MREG: variants seen among roughly 807,000 people sequenced by gnomAD.
MREG encodes dilute suppressor protein homolog.
MREG carries 31 observed loss-of-function variants against 28.5 expected under a neutral mutation model. The observed-to-expected ratio is 1.09, with a 90% CI of 0.82 to 1.47. The LOEUF (loss-of-function observed/expected upper bound fraction) is 1.47, where lower values mean the gene tolerates loss of function less well. Among genes scored for constraint, MREG ranks in the 40% most tolerant of loss-of-function variants. The probability of loss-of-function intolerance (pLI) is 0.00; values close to 1 mark genes in which losing one functional copy is unlikely to be tolerated. For synonymous variants in MREG, 106 were observed against 95.2 expected (o/e 1.11, Z -0.66); for missense variants, 256 against 257.4 (o/e 0.99, Z 0.04).
chr2:216,023,379 G>T (rs112985866), intron 1 of MREG, among the ~76,000 whole-genome samples: 1 of 152,182 alleles, frequency 6.6e-6, no homozygotes, highest in Admixed American at 6.5e-5. Flanking sequence ...AGCTTAAAGG[G>T]ACATAGTAAT....
intron 1 of MREG, among the ~76,000 whole-genome samples, chr2:216,027,707 C>T (rs1426790102): frequency 6.6e-6 from 1 of 152,046 alleles, no homozygotes; most frequent in Non-Finnish European, 1.5e-5. Context: ...AAGAAAAAGG[C>T]ATGAGGTAGT....
intron 1 of MREG, among the ~76,000 whole-genome samples, chr2:216,008,108 A>G (rs1464303441): frequency 2.0e-5 from 3 of 152,032 alleles, no homozygotes; most frequent in African/African-American, 7.2e-5. Flanking sequence ...TGTGCTTCAT[A>G]GGGCTATGGT....
chr2:215,991,684 C>T (rs1208929299), intron 2 of MREG, among the ~76,000 whole-genome samples: 5 of 151,770 alleles, frequency 3.3e-5, no homozygotes, highest in Admixed American at 6.6e-5. Flanking sequence ...AATAACCAAA[C>T]AGATGCAATG....
intron 1 of MREG, among the ~76,000 whole-genome samples, chr2:216,007,110 G>C (rs766343844): frequency 6.6e-6 from 1 of 152,174 alleles, no homozygotes. Context: ...GAAGTTCTCT[G>C]TGTCTCAGTC....
intron 2 of MREG, among the ~76,000 whole-genome samples, chr2:215,959,994 C>T (rs1038168372): frequency 5.3e-5 from 8 of 150,328 alleles, no homozygotes; most frequent in African/African-American, 1.2e-4. Flanking sequence ...CTCGCTCTGT[C>T]GCACAGGCTG....
At chr2:216,025,451 A>C (rs1410119492) in intron 1 of MREG, among the ~76,000 whole-genome samples, 6 of 152,224 alleles carry the variant, frequency 3.9e-5, no homozygotes, top group Non-Finnish European at 8.8e-5. Flanking sequence ...AGCATACAGG[A>C]GATTTATTAT....
At chr2:215,965,447 G>C (rs1574607524) in intron 2 of MREG, among the ~76,000 whole-genome samples, 1 of 152,256 alleles carries the variant, frequency 6.6e-6, no homozygotes, top group East Asian at 1.9e-4. Flanking sequence ...GTGGGATAGG[G>C]GAGAACATTC....
At chr2:215,997,788 G>C (rs1693909537) in intron 1 of MREG, among the ~76,000 whole-genome samples, 1 of 152,152 alleles carries the variant, frequency 6.6e-6, no homozygotes, top group Admixed American at 6.5e-5. Context: ...AGAGTTGCAG[G>C]CAGAGGAAAC....
intron 1 of MREG, among the ~76,000 whole-genome samples, chr2:216,002,841 CCT>C (rs892106645): frequency 6.2e-5 from 9 of 144,792 alleles, no homozygotes; most frequent in African/African-American, 1.6e-4. Flanking sequence ...CTTTCTTCCC[CCT>C]CTCTCTTCCT....
At chr2:215,954,141 A>C (rs1183321639) in intron 2 of MREG, among the ~76,000 whole-genome samples, 3 of 152,200 alleles carry the variant, frequency 2.0e-5, no homozygotes, top group Non-Finnish European at 4.4e-5. Context: ...TAACAAAGGA[A>C]AGAGGTGGCT....
chr2:216,014,769 C>A (rs1409974261), upstream of MREG, among the ~76,000 whole-genome samples: 1 of 152,110 alleles, frequency 6.6e-6, no homozygotes, highest in Non-Finnish European at 1.5e-5. Context: ...AATTGCTCCC[C>A]AAAGAAATAA....
chr2:216,013,345 A>G lies in MREG; in HGVS notation c.-18T>C, dbSNP rs1307198802. The G allele has an allele frequency of 2.7e-6, 4 of 1,468,796 alleles. No individual in the cohort carries two copies. The highest frequency in any genetic ancestry group is 3.0e-5 in the African/African-American group (2 of 67,700). The allele number at this position is 1,468,796 out of a possible 1,614,324, so 91.0% of individuals were successfully genotyped here. ...AGCCCCATGGAGAGCGAGGGCCCCC[A>G]CCGGCGCCGGAAGCCTGGGGCCGAG... On this transcript the variant is annotated 5_prime_UTR_variant, in exon 1 of 5. Transcript: ENST00000263268.
At chr2:215,978,196 G>C (rs538908381) in intron 2 of MREG, among the ~76,000 whole-genome samples, 1 of 151,950 alleles carries the variant, frequency 6.6e-6, no homozygotes, top group Non-Finnish European at 1.5e-5. Context: ...AATGATAAAG[G>C]GGATATCACC....
chr2:216,018,898 GGACATGTGACCAAGAAATT>G (rs1282484016), intron 1 of MREG, among the ~76,000 whole-genome samples: 26 of 152,250 alleles, frequency 1.7e-4, no homozygotes, highest in African/African-American at 6.0e-4. Context: ...AACAGGAAAT[GGACATGTGACCAAGAAATT>G]GACATGTGAC....
intron 1 of MREG, among the ~76,000 whole-genome samples, chr2:216,028,996 G>A (rs1694639770): frequency 6.6e-6 from 1 of 152,052 alleles, no homozygotes; most frequent in Non-Finnish European, 1.5e-5. Context: ...ATTGGAATAT[G>A]GAGTTAAGTG....
intron 2 of MREG, among the ~76,000 whole-genome samples, chr2:215,995,024 T>C (rs1693830688): frequency 6.6e-6 from 1 of 152,318 alleles, no homozygotes; most frequent in South Asian, 2.1e-4. Flanking sequence ...GTTAATGTAA[T>C]ACAGGAGTGT....
intron 2 of MREG, among the ~76,000 whole-genome samples, chr2:215,978,936 G>T (rs1327759495): frequency 6.6e-6 from 1 of 152,142 alleles, no homozygotes; most frequent in Non-Finnish European, 1.5e-5. Flanking sequence ...ACTAATCAAA[G>T]CTTCCTGATT....
chr2:215,987,864 T>C (rs537757304), intron 2 of MREG, among the ~76,000 whole-genome samples: 15 of 151,582 alleles, frequency 9.9e-5, no homozygotes, highest in Non-Finnish European at 1.9e-4. Context: ...GATCACACCA[T>C]TGCACTCCAG....
chr2:216,005,067 T>G (rs1292305031), intron 1 of MREG, among the ~76,000 whole-genome samples: 2 of 152,078 alleles, frequency 1.3e-5, no homozygotes, highest in Non-Finnish European at 2.9e-5. Flanking sequence ...AGATGAATAA[T>G]TAATTTCACC....
Sources: allele counts gnomAD v4.1 joint callset (sites outside exome capture counted in the v4.1 genomes callset), GRCh38; gene constraint gnomAD v4.1.1; transcripts MANE v1.5; gene names NCBI Gene and HGNC (gene_info 2026-07-23, HGNC 2026-07-21).